Variants in PCDH15 observed in about 807,000 individuals in gnomAD.
PCDH15 encodes protocadherin-15.
In PCDH15, 129 loss-of-function variants were observed where a neutral mutation model predicts 178.5. The ratio of observed to expected loss-of-function variants is 0.72; its 90% CI spans 0.63 to 0.84. PCDH15 has a LOEUF of 0.84. PCDH15 is among the 40% of genes least tolerant of loss of function. The probability of loss-of-function intolerance (pLI) is 0.00; values close to 1 mark genes in which losing one functional copy is unlikely to be tolerated. For synonymous variants in PCDH15, 800 were observed against 732.0 expected (o/e 1.09, Z -1.50); for missense variants, 2,230 against 2,099.9 (o/e 1.06, Z -1.21).
intron 2 of PCDH15, among the ~76,000 whole-genome samples, chr10:55,406,789 T>C (rs1588996042): frequency 6.6e-6 from 1 of 151,842 alleles, no homozygotes; most frequent in South Asian, 2.1e-4. Context: ...GACAGGAGAG[T>C]GAGGTGTGTT....
chr10:55,359,745 TATACACAC>T (rs746404922), intron 2 of PCDH15, among the ~76,000 whole-genome samples: 29 of 131,760 alleles, frequency 2.2e-4, no homozygotes, highest in East Asian at 6.2e-4. Context: ...TATATATATA[TATACACAC>T]ACACACACAC....
Position 53,806,525 on chromosome 10 carries a change from C to CAGTT in PCDH15, c.*50_*53dup, listed in dbSNP as rs1841170177. 1 of 1,377,058 alleles carries CAGTT rather than the reference C, an allele frequency of 7.3e-7. No individual in the cohort carries two copies. The highest frequency in any genetic ancestry group is 1.5e-5 in the African/African-American group (1 of 68,404). 85.3% of individuals were successfully genotyped at this position (1,377,058 alleles called of 1,614,324 possible). A position where few individuals can be genotyped will look rare whatever the true frequency, so the allele number is the denominator to read the frequency against. On this transcript the variant is annotated 3_prime_UTR_variant, in exon 38 of 38. Transcript: ENST00000644397. ...GTTTTCTCAGTGACAATAAAAAGCA[C>CAGTT]AGTTTATTAAAAATGTAAGTAAAAA... is the stretch of plus-strand genomic sequence containing the variant.
At chr10:55,362,161 A>G (rs1845246154) in intron 2 of PCDH15, among the ~76,000 whole-genome samples, 1 of 152,150 alleles carries the variant, frequency 6.6e-6, no homozygotes, top group Non-Finnish European at 1.5e-5. Flanking sequence ...ACTTAATAAA[A>G]GAGAAAAAAA....
intron 2 of PCDH15, among the ~76,000 whole-genome samples, chr10:55,330,497 T>G (rs1588920443): frequency 6.6e-6 from 1 of 151,922 alleles, no homozygotes; most frequent in Admixed American, 6.6e-5. Context: ...ATCTGTCAAA[T>G]TGCTTATCTT....
At chr10:55,053,107 T>C (rs1486987045) in intron 2 of PCDH15, among the ~76,000 whole-genome samples, 3 of 152,194 alleles carry the variant, frequency 2.0e-5, no homozygotes, top group African/African-American at 7.2e-5. Flanking sequence ...AATCCTATTA[T>C]ATGTGGCTGA....
In PCDH15 at chr10:54,867,610, C is replaced by A. The variant is rs550863383; in HGVS notation, c.-29+29840G>T. Among the ~76,000 whole-genome samples the A allele has an allele frequency of 7.2e-5, 11 of 152,114 alleles. No individual in the cohort carries two copies. In the South Asian group the frequency reaches 2.3e-3, roughly 32 times the overall value. On this transcript the variant is annotated intron_variant, in intron 3 of 5. Transcript: ENST00000458638. ...ATTTTCAAGAAGATATGGGTTCTTG[C>A]ACATACCCTCTAACTAATAAGGATA... is the stretch of plus-strand genomic sequence containing the variant.
At chr10:55,560,591 A>C (rs1445792263) in intron 2 of PCDH15, among the ~76,000 whole-genome samples, 1 of 151,952 alleles carries the variant, frequency 6.6e-6, no homozygotes, top group Non-Finnish European at 1.5e-5. Flanking sequence ...GAAAGCACTA[A>C]AACCTTCAAC....
At chr10:55,504,082 TA>T in intron 2 of PCDH15, among the ~76,000 whole-genome samples, 1 of 151,584 alleles carries the variant, frequency 6.6e-6, no homozygotes, top group South Asian at 2.1e-4. Context: ...TGTATGACTA[TA>T]ATGATGAATA....
chr10:54,392,961 T>C (rs1183562543), intron 3 of PCDH15, among the ~76,000 whole-genome samples: 4 of 150,676 alleles, frequency 2.7e-5, no homozygotes, highest in Admixed American at 6.6e-5. Context: ...CTAGTCAGAG[T>C]ATGGCTAAGG....
At chr10:54,931,033 C>A (rs1414656906) in intron 2 of PCDH15, among the ~76,000 whole-genome samples, 3 of 152,136 alleles carry the variant, frequency 2.0e-5, no homozygotes, top group Non-Finnish European at 4.4e-5. Flanking sequence ...GAGCTACATT[C>A]CATTTTTCCT....
chr10:54,371,268 T>C (rs1443811088), intron 4 of PCDH15, among the ~76,000 whole-genome samples: 1 of 151,808 alleles, frequency 6.6e-6, no homozygotes, highest in Non-Finnish European at 1.5e-5. Flanking sequence ...AAAAATGTAA[T>C]TGTGAAATTT....
chr10:53,902,301 G>C (rs2133650417), intron 26 of PCDH15, among the ~76,000 whole-genome samples: 1 of 152,136 alleles, frequency 6.6e-6, no homozygotes, highest in South Asian at 2.1e-4. Context: ...TTCTTACTGA[G>C]AGTGTTTGAT....
intron 3 of PCDH15, among the ~76,000 whole-genome samples, chr10:54,856,958 T>A (rs569460512): frequency 4.2e-4 from 64 of 151,920 alleles, no homozygotes; most frequent in African/African-American, 1.5e-3. Flanking sequence ...TGTTTTGTTT[T>A]TGTTTTTTTT....
In PCDH15 at chr10:53,840,381, A is replaced by G; in HGVS notation, c.3922T>C (p.Leu1308=). The G allele has an allele frequency of 6.2e-7, 1 of 1,614,160 alleles. No individual in the cohort carries two copies. Among genetic ancestry groups the G allele is most frequent in the East Asian group, 2.2e-5 (1 of 44,862 alleles). ...TGGGGGTCAATTGCATAGACAGTCA[A>G]GTCACATTTGGTGTAATCTTCTAGG... The part of the protein sequence containing the change: ...FSLEDYTKCD[L]TVYAIDPQTN... The change falls in exon 29 of 38, where the codon TTG becomes CTG. Residue 1308 remains leucine (L), a synonymous_variant. Transcript: ENST00000644397.
chr10:54,487,488 T>A (rs1034571969), intron 3 of PCDH15, among the ~76,000 whole-genome samples: 2 of 152,058 alleles, frequency 1.3e-5, no homozygotes, highest in African/African-American at 4.8e-5. Context: ...GTCACATAAA[T>A]TTATACAAAT....
rs1404620210 is a variant in PCDH15 at position 54,717,111 on chromosome 10, A to C, written c.-28-52821T>G. On this transcript the variant is annotated intron_variant, in intron 1 of 37. Coordinates refer to ENST00000644397, the MANE Select transcript of PCDH15 (RefSeq NM_001384140.1). ...TTACACCTTATACAAAAATTAATTC[A>C]AGATGGATTAAAGACTTAAATGTTA... Among the ~76,000 whole-genome samples, 21 of 141,866 alleles carry C rather than the reference A, an allele frequency of 1.5e-4. No individual in the cohort carries two copies. The Admixed American group carries it at 1.5e-3, about 10-fold the overall frequency. 93.1% of individuals were successfully genotyped at this position (141,866 alleles called of 152,430 possible).
rs921148007 is a variant in PCDH15, at chr10:54,749,938, C to CT, written c.-29+50986dup. 1.7e-3 allele frequency among the ~76,000 whole-genome samples: 253 copies of CT among 151,958 alleles called. 7 individuals carry two copies. Among genetic ancestry groups the CT allele is most frequent in the Non-Finnish European group, 3.8e-4 (26 of 67,894 alleles). On this transcript the variant is annotated intron_variant, in intron 1 of 37. Coordinates refer to ENST00000644397, the MANE Select transcript of PCDH15 (RefSeq NM_001384140.1). ...CACTACCTATATTTATGAATTAAAA[C>CT]TTTTTTTTAACTTCCCTGATCTCAG...
chr10:54,632,257 A>C (rs2093723369), intron 2 of PCDH15, among the ~76,000 whole-genome samples: 1 of 152,088 alleles, frequency 6.6e-6, no homozygotes, highest in Non-Finnish European at 1.5e-5. Context: ...TAAATATGGG[A>C]ACACTAGCAC....
chr10:55,158,157 T>TAC (rs757640264), intron 2 of PCDH15, among the ~76,000 whole-genome samples: 55 of 150,798 alleles, frequency 3.6e-4, no homozygotes, highest in South Asian at 3.1e-3. Flanking sequence ...TCATGTTTTA[T>TAC]ACTCACACAC....
Sources: gnomAD v4.1 joint callset for allele counts (sites outside exome capture counted in the v4.1 genomes callset) on GRCh38, gnomAD v4.1.1 for gene constraint, MANE v1.5 for transcripts, NCBI Gene and HGNC (gene_info 2026-07-23, HGNC 2026-07-21) for gene names.